ZFP82: variants seen among roughly 807,000 people sequenced by gnomAD.
ZFP82 encodes the protein ZFP82 zinc finger protein.
ZFP82 carries 30 observed loss-of-function variants against 54.0 expected under a neutral mutation model. That is an observed-to-expected ratio of 0.56 (90% CI 0.42 to 0.75). The LOEUF (loss-of-function observed/expected upper bound fraction) is 0.75. ZFP82 is among the 30% of genes least tolerant of loss of function. ZFP82 has a pLI of 0.00. For synonymous variants in ZFP82, 194 were observed against 209.5 expected (o/e 0.93, Z 0.64); for missense variants, 500 against 636.8 (o/e 0.79, Z 2.31).
At chr19:36,401,058 T>G (rs1330672449) in intron 4 of ZFP82, among the ~76,000 whole-genome samples, 1 of 77,996 alleles carries the variant, frequency 1.3e-5, no homozygotes, top group Non-Finnish European at 2.6e-5. Flanking sequence ...TGGCTGCCCC[T>G]TCTTTTTTTT....
At chr19:36,411,600 G>C (rs1444153724) in intron 1 of ZFP82, among the ~76,000 whole-genome samples, 1 of 152,112 alleles carries the variant, frequency 6.6e-6, no homozygotes, top group East Asian at 1.9e-4. Context: ...ACAGTATGTT[G>C]ACCTTGTTCA....
At chr19:36,409,642 G>T in intron 2 of ZFP82, 139 bp downstream of exon 2, 2 of 821,688 alleles carry the variant, frequency 2.4e-6, no homozygotes, top group Non-Finnish European at 2.0e-6. Context: ...GACAAGCATT[G>T]TGGTTCACCC....
At chr19:36,409,922 T>C in intron 1 of ZFP82, 55 bp from the exon 2 acceptor site, 3 of 904,108 alleles carry the variant, frequency 3.3e-6, no homozygotes, top group Middle Eastern at 2.7e-4. Flanking sequence ...AATCCCCAAA[T>C]GATTTGAGTT....
At chr19:36,387,991 T>G (rs1014202057), downstream of ZFP82, among the ~76,000 whole-genome samples, 1 of 152,246 alleles carries the variant, frequency 6.6e-6, no homozygotes, top group South Asian at 2.1e-4. Flanking sequence ...TTTTTATATG[T>G]ATTGTTCATT....
intron 4 of ZFP82, among the ~76,000 whole-genome samples, chr19:36,399,747 C>T (rs2032352170): frequency 6.6e-6 from 1 of 152,056 alleles, no homozygotes. Flanking sequence ...TTTTGGAAAA[C>T]TGGTGATAAA....
At chr19:36,404,936 C>A (rs547244975) in intron 4 of ZFP82, among the ~76,000 whole-genome samples, 6 of 152,280 alleles carry the variant, frequency 3.9e-5, no homozygotes, top group African/African-American at 1.4e-4. Flanking sequence ...GTAATCTCAG[C>A]ACTTTGGGAG....
intron 2 of ZFP82, among the ~76,000 whole-genome samples, chr19:36,408,538 G>A (rs993929664): frequency 6.6e-6 from 1 of 152,100 alleles, no homozygotes; most frequent in Non-Finnish European, 1.5e-5. Context: ...TGGTTGTATA[G>A]GCCAGGCGCA....
At chr19:36,412,446 C>T (rs2032597480) in intron 1 of ZFP82, among the ~76,000 whole-genome samples, 2 of 152,174 alleles carry the variant, frequency 1.3e-5, no homozygotes, top group Admixed American at 1.3e-4. Context: ...CAAGCAGCTT[C>T]TATGTTTTTA....
intron 1 of ZFP82, among the ~76,000 whole-genome samples, chr19:36,416,917 A>G (rs2032681174): frequency 6.8e-6 from 1 of 147,518 alleles, no homozygotes; most frequent in African/African-American, 2.5e-5. Context: ...TACTAAAAAT[A>G]CAAAAATTAG....
chr19:36,414,087 A>T (rs1430878785), intron 1 of ZFP82, among the ~76,000 whole-genome samples: 1 of 151,638 alleles, frequency 6.6e-6, no homozygotes, highest in East Asian at 2.0e-4. Context: ...TTTTTAGTAG[A>T]GACGGGGTTT....
At chr19:36,399,239 A>G (rs1008261651) in intron 4 of ZFP82, among the ~76,000 whole-genome samples, 7 of 152,258 alleles carry the variant, frequency 4.6e-5, no homozygotes, top group Non-Finnish European at 1.0e-4. Context: ...TGAAGTATTT[A>G]GCATTGGGTA....
At chr19:36,401,966 T>G (rs1393903532) in intron 4 of ZFP82, among the ~76,000 whole-genome samples, 2 of 152,196 alleles carry the variant, frequency 1.3e-5, no homozygotes, top group African/African-American at 4.8e-5. Flanking sequence ...ATTTATACTT[T>G]AATCAAACTT....
chr19:36,405,765 A>C (rs979778519), intron 3 of ZFP82, 93 bp from the exon 4 acceptor site: 42 of 812,094 alleles, frequency 5.2e-5, no homozygotes, highest in African/African-American at 5.0e-4. Context: ...ATGTCAAAAC[A>C]GTAATTAATA....
At chr19:36,405,529 G>T in intron 4 of ZFP82, 51 bp downstream of exon 4, 1 of 1,365,670 alleles carries the variant, frequency 7.3e-7, no homozygotes, top group Non-Finnish European at 1.0e-6. Context: ...CTTCCCCAGT[G>T]ATCTGGGGTT....
downstream of ZFP82, among the ~76,000 whole-genome samples, chr19:36,386,676 G>T (rs182097697): frequency 3.3e-5 from 5 of 152,312 alleles, no homozygotes; most frequent in African/African-American, 1.2e-4. Context: ...GCTGGCTCAC[G>T]CCTGTAATCC....
intron 4 of ZFP82, chr19:36,395,742 T>C (rs769451658): frequency 1.3e-5 from 2 of 149,972 alleles, no homozygotes; most frequent in Non-Finnish European, 3.0e-5. Flanking sequence ...AAAAAAAAGG[T>C]TGAAATTATA....
rs1310027774 is a variant in ZFP82, at chr19:36,393,688, T to C, written c.652A>G (p.Arg218Gly). The change falls in exon 5 of 5, where the codon AGA becomes GGA. Residue 218 changes from arginine to glycine, a missense_variant. Coordinates refer to ENST00000392161, the MANE Select transcript of ZFP82 (RefSeq NM_133466.4). Reference protein sequence around the residue: ...RQTAHLTRHQRLHSGEKLYEC... With the variant: ...RQTAHLTRHQGLHSGEKLYEC... ...TAGAGTTTTTCACCAGAATGAAGTC[T>C]CTGATGTCGAGTAAGGTGTGCAGTC... 1 of 1,614,192 alleles carries C rather than the reference T, an allele frequency of 6.2e-7. No homozygotes were observed. The highest frequency in any genetic ancestry group is 1.7e-5 in the Admixed American group (1 of 60,016).
intron 1 of ZFP82, among the ~76,000 whole-genome samples, chr19:36,417,858 A>G (rs760618800): frequency 1.3e-5 from 2 of 152,054 alleles, no homozygotes; most frequent in Non-Finnish European, 2.9e-5. Flanking sequence ...GTGGTGTGGG[A>G]GTCCCTTCCA....
chr19:36,393,280 T>C lies in ZFP82; in HGVS notation c.1060A>G (p.Thr354Ala). Residue 354 changes from threonine to alanine, a missense_variant, in exon 5 of 5, where the codon ACA (threonine) becomes GCA (alanine). By Grantham distance (58) the Thr-to-Ala change is moderately conservative (BLOSUM62 0). Transcript: ENST00000392161. ...GKAFRVRQQLTLHQRIHTGEK... is the reference protein window; with the variant it reads ...GKAFRVRQQLALHQRIHTGEK... ...CCAGTATGAATTCTCTGATGGAGTG[T>C]TAGTTGTTGTCGCACTCTAAAGGCC... 1.2e-6 allele frequency: 2 copies of C among 1,614,010 alleles called. No homozygotes were observed. Among genetic ancestry groups the C allele is most frequent in the Middle Eastern group, 1.6e-4 (1 of 6,062 alleles).
Sources: allele counts gnomAD v4.1 joint callset (sites outside exome capture counted in the v4.1 genomes callset), GRCh38; gene constraint gnomAD v4.1.1; transcripts MANE v1.5; gene names NCBI Gene and HGNC (gene_info 2026-07-23, HGNC 2026-07-21).